The following EYS variants were observed in gnomAD, a reference collection of about 807,000 sequenced individuals.
EYS encodes the protein protein eyes shut homolog.
A neutral mutation model predicts 282.1 loss-of-function variants in EYS; 250 were observed. The ratio of observed to expected loss-of-function variants is 0.89; its 90% CI spans 0.80 to 0.98. The LOEUF is 0.98. Ranked by LOEUF, EYS falls within the 50% of genes least tolerant of loss-of-function variation. The pLI is 0.00. For synonymous variants in EYS, 1,355 were observed against 1,282.9 expected (o/e 1.06, Z -1.20); for missense variants, 4,016 against 3,709.0 (o/e 1.08, Z -2.15).
intron 29 of EYS, among the ~76,000 whole-genome samples, chr6:64,344,043 C>G (rs9444747): frequency 0.68 from 103,421 of 151,102 alleles, 35,383 homozygotes; most frequent in South Asian, 0.71. Context: ...ATAACAGGCT[C>G]TGAAATTGAG....
chr6:63,806,423 G>T, intron 36 of EYS, 51 bp from the exon 37 acceptor site: 4 of 1,424,794 alleles, frequency 2.8e-6, no homozygotes, highest in Non-Finnish European at 3.7e-6. Flanking sequence ...ACATGTATTT[G>T]TAAAGTGAGG....
intron 26 of EYS, among the ~76,000 whole-genome samples, chr6:64,563,349 A>G (rs528118581): frequency 1.3e-5 from 2 of 152,162 alleles, no homozygotes; most frequent in African/African-American, 4.8e-5. Flanking sequence ...CAGATGAAAA[A>G]AGAATTCTTG....
chr6:64,671,731 A>T lies in EYS; in HGVS notation c.3444-45486T>A, dbSNP rs189757244. 7.9e-5 allele frequency among the ~76,000 whole-genome samples: 12 copies of T among 151,676 alleles called. No individual in the cohort carries two copies. In the East Asian group the frequency reaches 9.7e-4, roughly 12 times the overall value. ...TCAGTTGTGTATTATAATAGAATTTAAAAAAAAACCAAACATAGTTTTAGA... is the reference window on the plus strand; with the variant it reads ...TCAGTTGTGTATTATAATAGAATTTTAAAAAAAACCAAACATAGTTTTAGA... On this transcript the variant is annotated intron_variant, in intron 22 of 42. Coordinates refer to ENST00000503581, the MANE Select transcript of EYS (RefSeq NM_001142800.2).
intron 15 of EYS, among the ~76,000 whole-genome samples, chr6:64,927,291 G>A (rs972449146): frequency 3.9e-5 from 6 of 151,956 alleles, no homozygotes; most frequent in South Asian, 2.1e-4. Flanking sequence ...ATAGTTACTC[G>A]GGGCATGCAT....
chr6:64,199,165 GCTAT>G (rs1186596640), intron 31 of EYS, among the ~76,000 whole-genome samples: 1 of 152,092 alleles, frequency 6.6e-6, no homozygotes, highest in Non-Finnish European at 1.5e-5. Flanking sequence ...GAGGCATCAC[GCTAT>G]CTGACTTCAA....
At chr6:65,515,390 T>C (rs1304131997) in intron 2 of EYS, among the ~76,000 whole-genome samples, 3 of 152,134 alleles carry the variant, frequency 2.0e-5, no homozygotes, top group Non-Finnish European at 4.4e-5. Flanking sequence ...TGGTGATACC[T>C]CAGGGATCTA....
chr6:65,036,546 T>C (rs533571293), intron 13 of EYS, among the ~76,000 whole-genome samples: 1 of 151,554 alleles, frequency 6.6e-6, no homozygotes, highest in African/African-American at 2.4e-5. Context: ...CGGGAGTAAA[T>C]ACTTGCAAAC....
chr6:64,460,833 T>C (rs1225167795), intron 26 of EYS, among the ~76,000 whole-genome samples: 1 of 152,218 alleles, frequency 6.6e-6, no homozygotes, highest in Non-Finnish European at 1.5e-5. Flanking sequence ...AATGTGATTT[T>C]CAACTCTTCA....
chr6:65,170,955 T>A (rs2150227343), intron 12 of EYS, among the ~76,000 whole-genome samples: 1 of 151,612 alleles, frequency 6.6e-6, no homozygotes, highest in South Asian at 2.1e-4. Context: ...ATTTTATATT[T>A]TAAGTGGCAA....
intron 41 of EYS, among the ~76,000 whole-genome samples, chr6:63,742,267 G>T (rs575763663): frequency 6.6e-6 from 1 of 152,070 alleles, no homozygotes; most frequent in East Asian, 1.9e-4. Context: ...GCTTATCTTG[G>T]TGTGCACCTC....
intron 1 of EYS, among the ~76,000 whole-genome samples, chr6:65,682,719 A>T (rs1215741083): frequency 6.6e-6 from 1 of 151,960 alleles, no homozygotes; most frequent in Admixed American, 6.6e-5. Flanking sequence ...ACATTCAAAG[A>T]AGTCAGAGCC....
chr6:65,433,407 G>A (rs1199855539), intron 5 of EYS, among the ~76,000 whole-genome samples: 1 of 151,730 alleles, frequency 6.6e-6, no homozygotes, highest in Non-Finnish European at 1.5e-5. Context: ...GACTCACCAG[G>A]GTACATGATT....
chr6:65,678,081 G>A (rs953806837), intron 1 of EYS, among the ~76,000 whole-genome samples: 7 of 152,008 alleles, frequency 4.6e-5, no homozygotes, highest in African/African-American at 1.7e-4. Flanking sequence ...GATTCAGGAA[G>A]CTTATAATCA....
intron 29 of EYS, among the ~76,000 whole-genome samples, chr6:64,324,129 C>G (rs1770320712): frequency 6.6e-6 from 1 of 152,100 alleles, no homozygotes; most frequent in African/African-American, 2.4e-5. Context: ...CTAACTCATT[C>G]TAGCAAACCA....
intron 22 of EYS, among the ~76,000 whole-genome samples, chr6:64,681,692 G>C (rs1364219961): frequency 6.6e-6 from 1 of 152,076 alleles, no homozygotes; most frequent in East Asian, 1.9e-4. Context: ...AGGATGTTGC[G>C]GGACAATCAA....
chr6:64,395,391 A>C (rs1387629577), intron 28 of EYS, among the ~76,000 whole-genome samples: 1 of 152,218 alleles, frequency 6.6e-6, no homozygotes, highest in Non-Finnish European at 1.5e-5. Context: ...CCAAATGTCC[A>C]ACGATGATAG....
At chr6:64,455,480 G>C (rs1015359694) in intron 26 of EYS, among the ~76,000 whole-genome samples, 4 of 151,942 alleles carry the variant, frequency 2.6e-5, no homozygotes, top group Admixed American at 2.0e-4. Flanking sequence ...TCTATGTGCT[G>C]AACATGCAGG....
intron 33 of EYS, among the ~76,000 whole-genome samples, chr6:64,024,380 G>A (rs931387185): frequency 9.9e-5 from 15 of 152,204 alleles, no homozygotes; most frequent in Non-Finnish European, 1.9e-4. Context: ...CTAATCTGGT[G>A]GGGACTTGGA....
At chr6:65,160,430 C>T (rs894492760) in intron 12 of EYS, among the ~76,000 whole-genome samples, 6 of 150,866 alleles carry the variant, frequency 4.0e-5, no homozygotes. Context: ...TTATCTGAGA[C>T]ATAACTTACC....
Sources: allele counts gnomAD v4.1 joint callset (sites outside exome capture counted in the v4.1 genomes callset), GRCh38; gene constraint gnomAD v4.1.1; transcripts MANE v1.5; gene names NCBI Gene and HGNC (gene_info 2026-07-23, HGNC 2026-07-21).